Variants in TRIM14 observed in about 807,000 individuals in gnomAD.
TRIM14 encodes the protein tripartite motif containing 14, also known as tripartite motif-containing protein 14.
A neutral mutation model predicts 44.5 loss-of-function variants in TRIM14; 28 were observed. The ratio of observed to expected loss-of-function variants is 0.63; its 90% CI spans 0.47 to 0.86. TRIM14 has a LOEUF of 0.86. Among genes scored for constraint, TRIM14 ranks in the 40% least tolerant of loss-of-function variants. The probability of loss-of-function intolerance (pLI) is 0.00; values close to 1 mark genes in which losing one functional copy is unlikely to be tolerated. For missense variants in TRIM14, 607 were observed against 611.1 expected, an observed-to-expected ratio of 0.99 and a Z score of 0.07; for synonymous variants, 299 against 269.2, an observed-to-expected ratio of 1.11 and a Z score of -1.08.
chr9:98,094,247 A>G (rs1281340819), intron 4 of TRIM14, among the ~76,000 whole-genome samples: 1 of 152,238 alleles, frequency 6.6e-6, no homozygotes, highest in African/African-American at 2.4e-5. Context: ...TGAATGCATA[A>G]ATGAATCAAA....
At chr9:98,055,970 C>T in the TRIM14 span, among the ~76,000 whole-genome samples, 2 of 152,140 alleles carry the variant, frequency 1.3e-5, no homozygotes, top group African/African-American at 4.8e-5. Flanking sequence ...GAACTCCTGA[C>T]CTCAGGTGAT....
At chr9:98,077,374 A>AT (rs76602477) in intron 6 of TRIM14, among the ~76,000 whole-genome samples, 1,538 of 141,342 alleles carry the variant, frequency 0.011, 11 homozygotes, top group African/African-American at 0.02. Context: ...CTTTTTAAGA[A>AT]TTTTTTTTTT....
chr9:98,076,886 G>T, intron 6 of TRIM14: 2 of 1,552,708 alleles, frequency 1.3e-6, no homozygotes, highest in South Asian at 2.3e-5. Flanking sequence ...TTGGACAATG[G>T]TGAAAAGGAG....
At chr9:98,036,983 C>T in the TRIM14 span, among the ~76,000 whole-genome samples, 1 of 152,170 alleles carries the variant, frequency 6.6e-6, no homozygotes. Context: ...GCCCTGGGTT[C>T]AGTGCTGGGA....
chr9:98,050,818 G>A, the TRIM14 span, among the ~76,000 whole-genome samples: 1 of 152,054 alleles, frequency 6.6e-6, no homozygotes, highest in African/African-American at 2.4e-5. Flanking sequence ...CTGTCACCCA[G>A]GCTGGAGTGC....
At chr9:98,055,457 G>A in the TRIM14 span, among the ~76,000 whole-genome samples, 1 of 152,186 alleles carries the variant, frequency 6.6e-6, no homozygotes, top group Non-Finnish European at 1.5e-5. Context: ...CTGGTTGGGG[G>A]ACACAAGATC....
intron 2 of TRIM14, among the ~76,000 whole-genome samples, chr9:98,101,327 C>T (rs1040127526): frequency 4.6e-5 from 7 of 152,036 alleles, no homozygotes; most frequent in Non-Finnish European, 8.8e-5. Flanking sequence ...GACTGAAATA[C>T]AGTCTGTAAG....
chr9:98,117,280 A>T (rs1399378286), intron 1 of TRIM14, among the ~76,000 whole-genome samples: 2 of 148,938 alleles, frequency 1.3e-5, no homozygotes, highest in Non-Finnish European at 3.0e-5. Context: ...TCTCTGTTTT[A>T]TTTATTTATT....
At chr9:98,045,802 T>C in the TRIM14 span, among the ~76,000 whole-genome samples, 6 of 152,144 alleles carry the variant, frequency 3.9e-5, no homozygotes, top group African/African-American at 1.4e-4. Context: ...CAGGACCCAT[T>C]TGTGTCCATT....
chr9:98,056,693 A>ACGTGGCGGGGCTGG, the TRIM14 span: 1 of 1,443,590 alleles, frequency 6.9e-7, no homozygotes, highest in African/African-American at 1.5e-5. Context: ...CCGCGGGCTG[A>ACGTGGCGGGGCTGG]CGTGGCGGGG....
the TRIM14 span, chr9:98,057,028 G>T: frequency 7.0e-7 from 1 of 1,432,018 alleles, no homozygotes. Context: ...CGGCCTCCGC[G>T]GCTGGGTACC....
At chr9:98,079,441 G>A (rs1008611158), downstream of TRIM14, among the ~76,000 whole-genome samples, 1 of 148,376 alleles carries the variant, frequency 6.7e-6, no homozygotes, top group Non-Finnish European at 1.5e-5. Flanking sequence ...CATAATATAA[G>A]CTTTCTTACA....
At chr9:98,112,665 G>T (rs1435052187) in intron 1 of TRIM14, among the ~76,000 whole-genome samples, 1 of 151,622 alleles carries the variant, frequency 6.6e-6, no homozygotes, top group East Asian at 1.9e-4. Context: ...CAGGTGTGGT[G>T]GTGCACGCCT....
At chr9:98,067,313 C>T (rs1394977499), downstream of TRIM14, among the ~76,000 whole-genome samples, 1 of 152,136 alleles carries the variant, frequency 6.6e-6, no homozygotes, top group African/African-American at 2.4e-5. Flanking sequence ...CTATGTTTAA[C>T]TTTTTTGAGG....
intron 6 of TRIM14, among the ~76,000 whole-genome samples, chr9:98,074,107 C>T (rs766628531): frequency 3.9e-5 from 6 of 152,078 alleles, no homozygotes; most frequent in Non-Finnish European, 7.4e-5. Flanking sequence ...AGTTCTGAGT[C>T]GAATAAGTTT....
At chr9:98,083,753 T>TCACA (rs1829993568), downstream of TRIM14, among the ~76,000 whole-genome samples, 1 of 152,180 alleles carries the variant, frequency 6.6e-6, no homozygotes, top group South Asian at 2.1e-4. Context: ...AGTGATTCAG[T>TCACA]CACACAATAT....
At chr9:98,061,145 AGTGAGAATCT>A in the TRIM14 span, 1 of 708,890 alleles carries the variant, frequency 1.4e-6, no homozygotes, top group Admixed American at 2.8e-5. Flanking sequence ...GCCAAAGCCC[AGTGAGAATCT>A]GTGGGAAGGA....
rs1204807985 is a variant in TRIM14 at position 98,099,978 on chromosome 9, T to C, written c.490A>G (p.Arg164Gly). The C allele has an allele frequency of 8.7e-6, 14 of 1,614,126 alleles. No individual in the cohort carries two copies. Among genetic ancestry groups the C allele is most frequent in the Non-Finnish European group, 1.2e-5 (14 of 1,180,032 alleles). The change falls in exon 3 of 6, where the codon AGG (arginine) becomes GGG (glycine). Residue 164 changes from arginine to glycine, a missense_variant. By Grantham distance (125) the Arg-to-Gly change is moderately radical (BLOSUM62 -2). Coordinates refer to ENST00000341469, the MANE Select transcript of TRIM14 (RefSeq NM_014788.4). ...GGCTCCTGGCTGATACTCCAGACCC[T>C]GTTGGAGAGATCATTCATGATGTCA... ...QLDIMNDLSN[R>G]VWSISQEPDP...
At chr9:98,091,185 T>C (rs779208037) in intron 5 of TRIM14, among the ~76,000 whole-genome samples, 1 of 152,260 alleles carries the variant, frequency 6.6e-6, no homozygotes, top group Non-Finnish European at 1.5e-5. Flanking sequence ...GAATGGATGT[T>C]TATTACAGCA....
Sources: allele counts gnomAD v4.1 joint callset (sites outside exome capture counted in the v4.1 genomes callset), GRCh38; gene constraint gnomAD v4.1.1; transcripts MANE v1.5; gene names NCBI Gene and HGNC (gene_info 2026-07-23, HGNC 2026-07-21).